Variants in HTR7 observed in about 807,000 individuals in gnomAD.
The protein encoded by HTR7 is 5-HT-7.
HTR7 carries 16 observed loss-of-function variants against 34.0 expected under a neutral mutation model. That is an observed-to-expected ratio of 0.47 (90% CI 0.32 to 0.71). HTR7 has a LOEUF of 0.71. Among genes scored for constraint, HTR7 ranks in the 30% least tolerant of loss-of-function variants. The probability of loss-of-function intolerance (pLI) is 0.04; values close to 1 mark genes in which losing one functional copy is unlikely to be tolerated. For missense variants in HTR7, 504 were observed against 625.5 expected, an observed-to-expected ratio of 0.81 and a Z score of 2.07; for synonymous variants, 265 against 260.2, an observed-to-expected ratio of 1.02 and a Z score of -0.18.
intron 1 of HTR7, among the ~76,000 whole-genome samples, chr10:90,804,001 C>G (rs970147654): frequency 6.6e-6 from 1 of 152,088 alleles, no homozygotes; most frequent in African/African-American, 2.4e-5. Flanking sequence ...AAACCCCAAG[C>G]TCCACTGGCA....
At chr10:90,795,325 A>G (rs1589453261) in intron 1 of HTR7, among the ~76,000 whole-genome samples, 1 of 152,360 alleles carries the variant, frequency 6.6e-6, no homozygotes, top group East Asian at 1.9e-4. Flanking sequence ...ATAGGAAACT[A>G]TAACTACAGC....
intron 1 of HTR7, among the ~76,000 whole-genome samples, chr10:90,786,726 T>C (rs1239553657): frequency 6.6e-6 from 1 of 152,222 alleles, no homozygotes; most frequent in African/African-American, 2.4e-5. Flanking sequence ...CAAATTAAGC[T>C]CTTCCTATTC....
intron 1 of HTR7, among the ~76,000 whole-genome samples, chr10:90,753,169 T>C (rs1006923848): frequency 6.6e-6 from 1 of 152,040 alleles, no homozygotes; most frequent in Non-Finnish European, 1.5e-5. Context: ...ACTTCAGAGT[T>C]TGTAAAAGAA....
Position 90,742,418 on chromosome 10 carries a change from A to AT in HTR7, c.*63_*64insA. 1 of 1,293,990 alleles carries AT rather than the reference A, an allele frequency of 7.7e-7. No homozygotes were observed. Among genetic ancestry groups the AT allele is most frequent in the Non-Finnish European group, 1.1e-6 (1 of 906,814 alleles). 80.2% of individuals were successfully genotyped at this position (1,293,990 alleles called of 1,614,324 possible). ...CTGCATTCCATTCTGCAGACTCAGC[A>AT]AATGACTTCCTTCTGTTTCCACCTC... On this transcript the variant is annotated 3_prime_UTR_variant, in exon 4 of 4. Transcript: ENST00000336152.
At chr10:90,819,586 C>A (rs1372346806) in intron 1 of HTR7, among the ~76,000 whole-genome samples, 1 of 152,116 alleles carries the variant, frequency 6.6e-6, no homozygotes, top group Non-Finnish European at 1.5e-5. Context: ...GAAGGCTTTG[C>A]CTGATAGTTG....
intron 1 of HTR7, among the ~76,000 whole-genome samples, chr10:90,847,867 A>G (rs906092752): frequency 2.0e-5 from 3 of 152,238 alleles, no homozygotes; most frequent in Admixed American, 6.5e-5. Flanking sequence ...TCAAATACAT[A>G]CTTTTGCCCC....
intron 1 of HTR7, among the ~76,000 whole-genome samples, chr10:90,802,102 T>C (rs1159634792): frequency 2.0e-5 from 3 of 152,196 alleles, no homozygotes; most frequent in Non-Finnish European, 4.4e-5. Context: ...CATTTTATGG[T>C]TCTGACTAGA....
At chr10:90,793,858 T>C (rs111428706) in intron 1 of HTR7, among the ~76,000 whole-genome samples, 248 of 152,232 alleles carry the variant, frequency 1.6e-3, no homozygotes, top group African/African-American at 5.5e-3. Flanking sequence ...GCTGAAGAAC[T>C]TGGAGTCTGA....
intron 1 of HTR7, among the ~76,000 whole-genome samples, chr10:90,809,126 A>C (rs936978601): frequency 2.6e-5 from 4 of 151,860 alleles, no homozygotes; most frequent in African/African-American, 9.7e-5. Context: ...AGGCCGAGCT[A>C]AGTCCCAATT....
rs1035636372 is a variant in HTR7 at position 90,768,312 on chromosome 10, C to T, written c.540-18718G>A. ...CTATTCTCCTTCCTAACCCATTATC[C>T]TCAGGTATCCAGGGTGATCTTTCTT... On this transcript the variant is annotated intron_variant, in intron 1 of 3. Coordinates refer to ENST00000336152, the MANE Select transcript of HTR7 (RefSeq NM_019859.4). 2.0e-5 allele frequency among the ~76,000 whole-genome samples: 3 copies of T among 152,160 alleles called. No individual in the cohort carries two copies. The South Asian group carries it at 6.2e-4, about 32-fold the overall frequency.
At chr10:90,772,629 C>T (rs1371591202) in intron 1 of HTR7, among the ~76,000 whole-genome samples, 3 of 152,046 alleles carry the variant, frequency 2.0e-5, no homozygotes, top group Non-Finnish European at 2.9e-5. Context: ...GTGGTGAGGG[C>T]GTCATATTAT....
chr10:90,819,418 T>A (rs1845944202), intron 1 of HTR7, among the ~76,000 whole-genome samples: 1 of 152,166 alleles, frequency 6.6e-6, no homozygotes, highest in African/African-American at 2.4e-5. Context: ...AGCTGCCTCT[T>A]TAAACAGAGA....
Position 90,749,701 on chromosome 10 carries a change from T to A in HTR7, c.540-107A>T. The A allele has an allele frequency of 1.0e-6, 1 of 988,318 alleles. No individual in the cohort carries two copies. Among genetic ancestry groups the A allele is most frequent in the Non-Finnish European group, 1.5e-6 (1 of 666,470 alleles). 61.2% of individuals were successfully genotyped at this position (988,318 alleles called of 1,614,324 possible). A position where few individuals can be genotyped will look rare whatever the true frequency, so the allele number is the denominator to read the frequency against. ...GCGCCAGTCCTCGCAACAGCCCTTC[T>A]AGGTAGGCATCATTACTCCCATTTT... On this transcript the variant is annotated intron_variant, in intron 1 of 3. Coordinates refer to ENST00000336152, the MANE Select transcript of HTR7 (RefSeq NM_019859.4). This position sits in a 1 kb window ranked among gnomAD's most constrained non-coding sequence, Gnocchi z 4.2.
At chr10:90,744,929 A>T (rs967219500) in intron 2 of HTR7, among the ~76,000 whole-genome samples, 2 of 152,220 alleles carry the variant, frequency 1.3e-5, no homozygotes, top group African/African-American at 4.8e-5. Context: ...CTTTACAAAA[A>T]AAGTCCTCTT....
At chr10:90,747,802 C>G (rs1844663977) in intron 2 of HTR7, among the ~76,000 whole-genome samples, 1 of 152,186 alleles carries the variant, frequency 6.6e-6, no homozygotes, top group African/African-American at 2.4e-5. Context: ...TCTGCTCATT[C>G]TCTCACCAGA....
intron 1 of HTR7, among the ~76,000 whole-genome samples, chr10:90,759,810 G>A (rs1306978294): frequency 6.6e-6 from 1 of 152,082 alleles, no homozygotes; most frequent in African/African-American, 2.4e-5. Context: ...AGAATCAGGA[G>A]CTGGGGGGAA....
intron 1 of HTR7, among the ~76,000 whole-genome samples, chr10:90,835,322 A>ATTTCCCAATTT (rs1846238422): frequency 6.6e-6 from 1 of 152,174 alleles, no homozygotes; most frequent in African/African-American, 2.4e-5. Context: ...TAATGACAGA[A>ATTTCCCAATTT]CATCCTGGGA....
At chr10:90,850,539 A>T (rs1846481971) in intron 1 of HTR7, among the ~76,000 whole-genome samples, 1 of 152,218 alleles carries the variant, frequency 6.6e-6, no homozygotes, top group African/African-American at 2.4e-5. Context: ...AAACCCAGAG[A>T]AAAAAACAGA....
At chr10:90,786,342 A>C (rs1397583950) in intron 1 of HTR7, among the ~76,000 whole-genome samples, 1 of 152,158 alleles carries the variant, frequency 6.6e-6, no homozygotes, top group East Asian at 1.9e-4. Flanking sequence ...GTATGTGTTC[A>C]TGGTTCTCTA....
Sources: allele counts gnomAD v4.1 joint callset (sites outside exome capture counted in the v4.1 genomes callset), GRCh38; gene constraint gnomAD v4.1.1; non-coding constraint Gnocchi (gnomAD v3.1); transcripts MANE v1.5; gene names NCBI Gene and HGNC (gene_info 2026-07-23, HGNC 2026-07-21).